Variants in DDX10 observed in about 807,000 individuals in gnomAD.
The protein encoded by DDX10 is probable ATP-dependent RNA helicase DDX10.
Under a neutral mutation model 104.3 loss-of-function variants are expected in DDX10, and 74 were observed. The observed-to-expected ratio is 0.71, with a 90% confidence interval of 0.59 to 0.86. The LOEUF (loss-of-function observed/expected upper bound fraction) is 0.86. Among genes scored for constraint, DDX10 ranks in the 40% least tolerant of loss-of-function variants. DDX10 has a pLI of 0.00. For missense variants in DDX10, 952 were observed against 1,040.0 expected (o/e 0.92, Z 1.16); for synonymous variants, 351 against 353.4 (o/e 0.99, Z 0.08).
intron 13 of DDX10, among the ~76,000 whole-genome samples, chr11:108,772,174 G>C (rs185532629): frequency 6.6e-6 from 1 of 152,332 alleles, no homozygotes; most frequent in Admixed American, 6.5e-5. Context: ...ATATTAAAAA[G>C]ACTAGTCGTG....
Position 108,931,400 on chromosome 11 carries a change from C to T in DDX10, c.2451-8846C>T, listed in dbSNP as rs545094349. 3.9e-5 allele frequency among the ~76,000 whole-genome samples: 6 copies of T among 152,302 alleles called. No homozygotes were observed. The East Asian group carries it at 1.2e-3, about 29-fold the overall frequency. On this transcript the variant is annotated intron_variant, in intron 17 of 17. Coordinates refer to ENST00000322536, the MANE Select transcript of DDX10 (RefSeq NM_004398.4). ...AGCAGTTTTCCCAAGTTTTAGGCAACTGCCAGGGTTTAAATCGGGTCAGAC... is the reference window on the plus strand; with the variant it reads ...AGCAGTTTTCCCAAGTTTTAGGCAATTGCCAGGGTTTAAATCGGGTCAGAC...
At chr11:108,778,076 T>G (rs1169512484) in intron 13 of DDX10, among the ~76,000 whole-genome samples, 1 of 152,164 alleles carries the variant, frequency 6.6e-6, no homozygotes, top group African/African-American at 2.4e-5. Flanking sequence ...CATTGCATGC[T>G]CATGGATAGG....
intron 13 of DDX10, among the ~76,000 whole-genome samples, chr11:108,738,921 G>T (rs986112889): frequency 6.6e-6 from 1 of 152,136 alleles, no homozygotes; most frequent in Non-Finnish European, 1.5e-5. Flanking sequence ...GCCTGGGTTG[G>T]TGCTGTCCAC....
intron 14 of DDX10, among the ~76,000 whole-genome samples, chr11:108,840,051 C>A (rs1195292301): frequency 1.3e-5 from 2 of 152,090 alleles, no homozygotes; most frequent in Non-Finnish European, 1.5e-5. Context: ...GAAAGAAATG[C>A]CACTATATAT....
chr11:108,669,605 A>G (rs910606401), intron 1 of DDX10, among the ~76,000 whole-genome samples: 1 of 152,228 alleles, frequency 6.6e-6, no homozygotes, highest in African/African-American at 2.4e-5. Context: ...AGGCTGCAGC[A>G]TGCAGTATAA....
At chr11:108,867,332 A>G (rs761218174) in intron 16 of DDX10, among the ~76,000 whole-genome samples, 4 of 152,172 alleles carry the variant, frequency 2.6e-5, no homozygotes, top group Admixed American at 6.5e-5. Context: ...GTATTTTTGC[A>G]TATGCATTTA....
chr11:108,823,076 G>T (rs370692688), intron 13 of DDX10, among the ~76,000 whole-genome samples: 1 of 152,108 alleles, frequency 6.6e-6, no homozygotes, highest in East Asian at 1.9e-4. Context: ...AGGTGATCCT[G>T]GAGGGTCCTT....
chr11:108,776,094 C>A (rs2094369533), intron 13 of DDX10, among the ~76,000 whole-genome samples: 1 of 152,020 alleles, frequency 6.6e-6, no homozygotes, highest in African/African-American at 2.4e-5. Flanking sequence ...TGTGGTTTCA[C>A]CCTTAGTTTT....
At chr11:108,845,623 G>A (rs1230427274) in intron 15 of DDX10, among the ~76,000 whole-genome samples, 1 of 152,084 alleles carries the variant, frequency 6.6e-6, no homozygotes, top group African/African-American at 2.4e-5. Context: ...TTGACCCAAA[G>A]TTGTGAATAA....
At chr11:108,837,272 A>C (rs1279598333) in intron 13 of DDX10, among the ~76,000 whole-genome samples, 1 of 152,228 alleles carries the variant, frequency 6.6e-6, no homozygotes, top group Admixed American at 6.5e-5. Flanking sequence ...TTGTGCTCAA[A>C]TACATTTTCC....
chr11:108,714,204 T>C (rs1353904499), intron 10 of DDX10, among the ~76,000 whole-genome samples: 1 of 152,164 alleles, frequency 6.6e-6, no homozygotes, highest in Non-Finnish European at 1.5e-5. Flanking sequence ...GAATGGGTCC[T>C]CCTGGAGTTT....
At chr11:108,757,756 A>T (rs888464217) in intron 13 of DDX10, among the ~76,000 whole-genome samples, 1 of 151,864 alleles carries the variant, frequency 6.6e-6, no homozygotes, top group Non-Finnish European at 1.5e-5. Flanking sequence ...TTCTCCCAGT[A>T]CTTGTTTTCT....
chr11:108,858,501 C>G (rs1862900341), intron 16 of DDX10, among the ~76,000 whole-genome samples: 1 of 152,312 alleles, frequency 6.6e-6, no homozygotes, highest in East Asian at 1.9e-4. Context: ...CTGCAGAATA[C>G]AGTGAATTTC....
chr11:108,770,522 C>G (rs1471641330), intron 13 of DDX10, among the ~76,000 whole-genome samples: 6 of 138,942 alleles, frequency 4.3e-5, no homozygotes, highest in African/African-American at 1.6e-4. Context: ...CCCCACTACC[C>G]TTCCCAACCT....
At chr11:108,766,973 A>T (rs1565272168) in intron 13 of DDX10, among the ~76,000 whole-genome samples, 1 of 152,202 alleles carries the variant, frequency 6.6e-6, no homozygotes, top group Non-Finnish European at 1.5e-5. Flanking sequence ...TTTATTACGT[A>T]ATAGATGCTA....
rs897922529 is a variant in DDX10, at chr11:108,666,717, A to G, written c.186+1378A>G. ...TCTCTGCCTTCTCCTGTGTCAGTCT[A>G]TCTCTGTTCCTCTGTTATAAGGGCG... is the stretch of plus-strand genomic sequence containing the variant. On this transcript the variant is annotated intron_variant, in intron 1 of 17. Coordinates refer to ENST00000322536, the MANE Select transcript of DDX10 (RefSeq NM_004398.4). Among the ~76,000 whole-genome samples, 43 of 152,276 alleles carry G rather than the reference A, an allele frequency of 2.8e-4. 1 individual carries two copies. Among genetic ancestry groups the G allele is most frequent in the Admixed American group, 2.5e-3 (38 of 15,294 alleles).
chr11:108,905,337 G>GA (rs1863581195), intron 16 of DDX10, among the ~76,000 whole-genome samples: 1 of 144,860 alleles, frequency 6.9e-6, no homozygotes, highest in East Asian at 2.1e-4. Flanking sequence ...GAAATCCTGT[G>GA]ATCCAGTCCC....
intron 17 of DDX10, chr11:108,919,785 A>G (rs1189613944): frequency 6.6e-6 from 1 of 152,176 alleles, no homozygotes; most frequent in Non-Finnish European, 1.5e-5. Flanking sequence ...TTTCTGGGTC[A>G]TCTTTCATCT....
At position 108,906,480 on chromosome 11, in the gene DDX10, C is replaced by T. The variant is rs144860899; in HGVS notation, c.2305-11393C>T. On this transcript the variant is annotated intron_variant, in intron 16 of 17. Transcript: ENST00000322536. ...ATTGCTCTTCCAGTGCTCATAACAG[C>T]CTTGAATGGTAGATGTCAGTGTTCA... is the stretch of plus-strand genomic sequence containing the variant. 3.3e-5 allele frequency among the ~76,000 whole-genome samples: 5 copies of T among 152,218 alleles called. No individual in the cohort carries two copies. The East Asian group carries it at 9.7e-4, about 29-fold the overall frequency.
Sources: gnomAD v4.1 joint callset for allele counts (sites outside exome capture counted in the v4.1 genomes callset) on GRCh38, gnomAD v4.1.1 for gene constraint, MANE v1.5 for transcripts, NCBI Gene and HGNC (gene_info 2026-07-23, HGNC 2026-07-21) for gene names.